Variants in RFX4 observed in about 807,000 individuals in gnomAD.
RFX4 encodes regulatory factor X4, also known as transcription factor RFX4.
RFX4 carries 10 observed loss-of-function variants against 95.0 expected under a neutral mutation model. The ratio of observed to expected loss-of-function variants is 0.11; its 90% CI spans 0.06 to 0.18. The LOEUF is 0.18. Among genes scored for constraint, RFX4 ranks in the 10% least tolerant of loss-of-function variants. The pLI is 1.00. For missense variants in RFX4, 640 were observed against 922.0 expected, an observed-to-expected ratio of 0.69 and a Z score of 3.96; for synonymous variants, 321 against 340.7, an observed-to-expected ratio of 0.94 and a Z score of 0.64.
intron 1 of RFX4, among the ~76,000 whole-genome samples, chr12:106,592,081 T>C (rs977851640): frequency 6.6e-6 from 1 of 152,204 alleles, no homozygotes; most frequent in African/African-American, 2.4e-5. Context: ...AAGTATTTGA[T>C]TTCATGCCTG....
intron 11 of RFX4, among the ~76,000 whole-genome samples, chr12:106,716,294 T>C (rs964994349): frequency 1.3e-5 from 2 of 152,058 alleles, no homozygotes; most frequent in Non-Finnish European, 2.9e-5. Flanking sequence ...GGAAAGGTGT[T>C]GAGAGCATGC....
chr12:106,601,274 A>C (rs1324345620), intron 1 of RFX4: 1 of 1,588,654 alleles, frequency 6.3e-7, no homozygotes, highest in South Asian at 1.1e-5. Flanking sequence ...GGGCTGAGAC[A>C]GAATGATCAA....
intron 16 of RFX4, among the ~76,000 whole-genome samples, chr12:106,748,987 C>A (rs937660004): frequency 1.3e-5 from 2 of 150,844 alleles, no homozygotes; most frequent in Non-Finnish European, 3.0e-5. Context: ...CGTGAGGCTG[C>A]GGCAGGAGAA....
chr12:106,608,759 T>C, intron 1 of RFX4, 38 bp from the exon 2 acceptor site: 2 of 1,552,040 alleles, frequency 1.3e-6, no homozygotes, highest in Non-Finnish European at 1.7e-6. Flanking sequence ...TCTTTTTTCT[T>C]TTTCTTTTCT....
intron 2 of RFX4, among the ~76,000 whole-genome samples, chr12:106,622,226 T>TA (rs893116950): frequency 2.4e-4 from 36 of 151,930 alleles, no homozygotes; most frequent in African/African-American, 4.1e-4. Context: ...GATTATATTT[T>TA]AAAAAAATAT....
At chr12:106,684,863 T>A (rs746922818) in intron 5 of RFX4, 1 of 1,598,116 alleles carries the variant, frequency 6.3e-7, no homozygotes, top group African/African-American at 1.3e-5. Context: ...CCAGAAGGCA[T>A]TCAGATAGAT....
In RFX4 at chr12:106,720,329, T is replaced by C. The variant is rs988219768; in HGVS notation, c.1233+275T>C. Among the ~76,000 whole-genome samples, 29 of 152,240 alleles carry C rather than the reference T, an allele frequency of 1.9e-4. No homozygotes were observed. Among genetic ancestry groups the C allele is most frequent in the African/African-American group, 6.5e-4 (27 of 41,462 alleles). ...GCTGCTACAAACAAAACAAAAACCA[T>C]TGCTCCATAGCATTGACTTTGAAGA... On this transcript the variant is annotated intron_variant, in intron 12 of 17. Coordinates refer to ENST00000392842, the MANE Select transcript of RFX4 (RefSeq NM_213594.3). This position sits in a 1 kb window ranked among gnomAD's most constrained non-coding sequence, Gnocchi z 4.2.
At chr12:106,595,516 G>T (rs1307030434) in intron 1 of RFX4, among the ~76,000 whole-genome samples, 1 of 152,192 alleles carries the variant, frequency 6.6e-6, no homozygotes, top group Admixed American at 6.5e-5. Context: ...CCCTGAGTGG[G>T]TGCCTCCATG....
chr12:106,671,466 G>C (rs935356571), intron 4 of RFX4, among the ~76,000 whole-genome samples: 1 of 151,968 alleles, frequency 6.6e-6, no homozygotes, highest in Non-Finnish European at 1.5e-5. Context: ...AGAGGACACC[G>C]TGCTGGCTCT....
At position 106,711,520 on chromosome 12, in the gene RFX4, C is replaced by T; in HGVS notation, c.993+9C>T. The T allele has an allele frequency of 6.2e-7, 1 of 1,613,642 alleles. No homozygotes were observed. Among genetic ancestry groups the T allele is most frequent in the Non-Finnish European group, 8.5e-7 (1 of 1,179,550 alleles). On this transcript the variant is annotated intron_variant, in intron 10 of 17. Coordinates refer to ENST00000392842, the MANE Select transcript of RFX4 (RefSeq NM_213594.3). ...TAAATCATCTCTGCCAGGTAGCTGT[C>T]CTCCATTATGTGTTTTAATCACTGC...
chr12:106,684,699 G>A, intron 5 of RFX4: 1 of 1,480,088 alleles, frequency 6.8e-7, no homozygotes, highest in Non-Finnish European at 9.0e-7. Context: ...CACCCACAGA[G>A]TGAGTTCCAG....
chr12:106,590,549 C>A (rs2039524616), intron 1 of RFX4, among the ~76,000 whole-genome samples: 1 of 152,194 alleles, frequency 6.6e-6, no homozygotes, highest in African/African-American at 2.4e-5. Flanking sequence ...CAAGATCACT[C>A]TTATTGTGTG....
chr12:106,658,384 A>G (rs1439456988), intron 4 of RFX4, among the ~76,000 whole-genome samples: 1 of 152,188 alleles, frequency 6.6e-6, no homozygotes, highest in Non-Finnish European at 1.5e-5. Flanking sequence ...ATGTCTTCAG[A>G]GGAAATCCCA....
intron 1 of RFX4, among the ~76,000 whole-genome samples, chr12:106,594,712 G>A (rs1168590716): frequency 6.6e-6 from 1 of 151,496 alleles, no homozygotes; most frequent in Non-Finnish European, 1.5e-5. Flanking sequence ...GCTGAGCAGT[G>A]CACAGGGATC....
intron 13 of RFX4, among the ~76,000 whole-genome samples, chr12:106,723,692 C>G (rs943704568): frequency 3.3e-5 from 5 of 152,200 alleles, no homozygotes; most frequent in Non-Finnish European, 7.3e-5. Context: ...ATGACCAAGC[C>G]TTCCCAACTG....
At chr12:106,651,244 C>G (rs757695052) in intron 3 of RFX4, among the ~76,000 whole-genome samples, 6 of 152,202 alleles carry the variant, frequency 3.9e-5, no homozygotes, top group Non-Finnish European at 8.8e-5. Flanking sequence ...ACTACCGTGG[C>G]AGAATACCAG....
chr12:106,735,780 C>T (rs2042699102), intron 15 of RFX4, among the ~76,000 whole-genome samples: 1 of 151,948 alleles, frequency 6.6e-6, no homozygotes, highest in African/African-American at 2.4e-5. Context: ...TATGCCAAGG[C>T]CTTGCTACCA....
At chr12:106,692,560 T>A (rs2041805043) in intron 7 of RFX4, among the ~76,000 whole-genome samples, 1 of 152,140 alleles carries the variant, frequency 6.6e-6, no homozygotes, top group Non-Finnish European at 1.5e-5. Flanking sequence ...GAAAAAGAAA[T>A]AGAAAATTTG....
chr12:106,730,190 T>C (rs975303182), intron 13 of RFX4, among the ~76,000 whole-genome samples: 2 of 152,134 alleles, frequency 1.3e-5, no homozygotes, highest in South Asian at 2.1e-4. Context: ...CCAAAAGAAT[T>C]AACTGATCTG....
Sources: gnomAD v4.1 joint callset for allele counts (sites outside exome capture counted in the v4.1 genomes callset) on GRCh38, gnomAD v4.1.1 for gene constraint, Gnocchi (gnomAD v3.1) non-coding constraint, MANE v1.5 for transcripts, NCBI Gene and HGNC (gene_info 2026-07-23, HGNC 2026-07-21) for gene names.